ECPAS: variants seen among roughly 807,000 people sequenced by gnomAD.
The protein encoded by ECPAS is proteasome adapter and scaffold protein ECM29.
Under a neutral mutation model 255.1 loss-of-function variants are expected in ECPAS, and 70 were observed. The ratio of observed to expected loss-of-function variants is 0.27; its 90% confidence interval spans 0.23 to 0.33. The LOEUF (loss-of-function observed/expected upper bound fraction) is 0.33. ECPAS is among the 10% of genes least tolerant of loss of function. The probability of loss-of-function intolerance (pLI) is 1.00; values close to 1 mark genes in which losing one functional copy is unlikely to be tolerated. For missense variants in ECPAS, 1,817 were observed against 2,206.4 expected (o/e 0.82, Z 3.54); for synonymous variants, 784 against 775.0 (o/e 1.01, Z -0.19).
chr9:111,456,575 G>GA (rs1444103002), intron 2 of ECPAS, among the ~76,000 whole-genome samples: 5 of 152,140 alleles, frequency 3.3e-5, no homozygotes, highest in Admixed American at 3.3e-4. Context: ...TTACAAAAAT[G>GA]GAAAAACATA....
chr9:111,449,598 A>C (rs181630889), intron 3 of ECPAS, among the ~76,000 whole-genome samples: 1 of 152,342 alleles, frequency 6.6e-6, no homozygotes, highest in Admixed American at 6.5e-5. Context: ...CTATAAAAAA[A>C]TAAAATACAA....
intron 46 of ECPAS, among the ~76,000 whole-genome samples, chr9:111,367,519 T>C (rs1025751549): frequency 1.2e-4 from 19 of 152,266 alleles, no homozygotes; most frequent in African/African-American, 4.6e-4. Flanking sequence ...TCTCTACCTA[T>C]CAAGGAAAAG....
intron 35 of ECPAS, among the ~76,000 whole-genome samples, chr9:111,379,692 GCTTT>G (rs1220799652): frequency 1.3e-5 from 2 of 152,150 alleles, no homozygotes; most frequent in Non-Finnish European, 2.9e-5. Flanking sequence ...CCCTGTTGTT[GCTTT>G]ATCAACTAAG....
At position 111,408,663 on chromosome 9, in the gene ECPAS, G is replaced by C. The variant is rs775190017; in HGVS notation, c.2560C>G (p.Arg854Gly). The C allele has an allele frequency of 6.4e-6, 10 of 1,569,160 alleles. No individual in the cohort carries two copies. In the South Asian group the frequency reaches 1.2e-4, roughly 19 times the overall value. The change falls in exon 24 of 50, where the codon CGA becomes GGA. Residue 854 changes from arginine to glycine, a missense_variant. Coordinates refer to ENST00000684092, the MANE Select transcript of ECPAS (RefSeq NM_001364929.1). ...AAATATCCCAGTGTTTGGATTGCTC[G>C]TTCTTTCATCTGGAAGAACACCAAA... ...SSKETNKMKE[R>G]AIQTLGYFPV... is the part of the protein sequence containing the mutation.
chr9:111,438,782 T>TG (rs1165553666), intron 6 of ECPAS, among the ~76,000 whole-genome samples: 1 of 152,106 alleles, frequency 6.6e-6, no homozygotes, highest in African/African-American at 2.4e-5. Context: ...ACAGTGAACA[T>TG]GGAGTGACTG....
rs1434222187 is a variant in ECPAS at position 111,394,219 on chromosome 9, C to T, written c.2863G>A (p.Ala955Thr). The T allele has an allele frequency of 6.2e-7, 1 of 1,609,708 alleles. No individual in the cohort carries two copies. Among genetic ancestry groups the T allele is most frequent in the Non-Finnish European group, 8.5e-7 (1 of 1,177,814 alleles). ...IISPNPHVRQ[A>T]ACIWLLSLVR... ...AGGGAAAGGAGCCAGATGCAGGCTGCTTGCCTCACGTGTGGGTTGGGGCTG... is the reference window on the plus strand; with the variant it reads ...AGGGAAAGGAGCCAGATGCAGGCTGTTTGCCTCACGTGTGGGTTGGGGCTG... The change falls in exon 26 of 50, where the codon GCA becomes ACA. Residue 955 changes from alanine (A) to threonine (T), a missense_variant. By Grantham distance (58) the Ala-to-Thr change is moderately conservative. Coordinates refer to ENST00000684092, the MANE Select transcript of ECPAS (RefSeq NM_001364929.1).
At chr9:111,477,484 T>C (rs1182768369) in intron 1 of ECPAS, among the ~76,000 whole-genome samples, 2 of 152,088 alleles carry the variant, frequency 1.3e-5, no homozygotes, top group Non-Finnish European at 2.9e-5. Flanking sequence ...CCACATTTTA[T>C]ACACTACAGA....
intron 35 of ECPAS, 22 bp from the exon 36 acceptor site, chr9:111,378,752 C>T: frequency 6.3e-7 from 1 of 1,579,628 alleles, no homozygotes; most frequent in Non-Finnish European, 8.6e-7. Flanking sequence ...TGGAACACAA[C>T]TCCTGAGTCC....
intron 48 of ECPAS, among the ~76,000 whole-genome samples, 181 bp from the exon 49 acceptor site, chr9:111,363,840 A>G (rs2098117039): frequency 6.6e-6 from 1 of 152,116 alleles, no homozygotes. Context: ...AATGTGTGCT[A>G]ATGTCCACAG....
chr9:111,437,665 G>GA (rs1290252209), intron 6 of ECPAS, among the ~76,000 whole-genome samples: 2 of 151,896 alleles, frequency 1.3e-5, no homozygotes, highest in Non-Finnish European at 2.9e-5. Flanking sequence ...TCCCTAAAAT[G>GA]AAAAAACTCA....
At chr9:111,457,405 T>C (rs2098268244) in intron 2 of ECPAS, among the ~76,000 whole-genome samples, 1 of 152,152 alleles carries the variant, frequency 6.6e-6, no homozygotes, top group Non-Finnish European at 1.5e-5. Context: ...TATTAGACTG[T>C]GACCCTGAGA....
intron 1 of ECPAS, chr9:111,483,474 C>T: frequency 1.0e-6 from 1 of 975,824 alleles, no homozygotes; most frequent in Non-Finnish European, 1.2e-6. Context: ...CGTTCCGGCT[C>T]GCGGCCGCAG....
chr9:111,416,301 G>C lies in ECPAS; in HGVS notation c.1735C>G (p.Leu579Val). The change falls in exon 18 of 50, where the codon CTT (leucine) becomes GTT (valine). Residue 579 changes from leucine to valine, a missense_variant. Physicochemically the swap from Leu to Val is conservative, Grantham distance 32 (BLOSUM62 1). Coordinates refer to ENST00000684092, the MANE Select transcript of ECPAS (RefSeq NM_001364929.1). ...CCAAAGGCTGCTGGGTTAAATGGAA[G>C]GACAGTGGTCCCGGTCATGTACTTG... ...PVKYMTGTTV[L>V]PFNPAAFGEI... The C allele has an allele frequency of 1.2e-6, 2 of 1,613,598 alleles. No homozygotes were observed. The highest frequency in any genetic ancestry group is 1.3e-5 in the African/African-American group (1 of 75,020).
chr9:111,381,202 C>T (rs141990671), intron 35 of ECPAS, among the ~76,000 whole-genome samples: 20 of 152,274 alleles, frequency 1.3e-4, no homozygotes, highest in Admixed American at 3.9e-4. Flanking sequence ...GCAACTCTTC[C>T]CTTCATTTAG....
chr9:111,425,821 T>C lies in ECPAS; in HGVS notation c.1058A>G (p.Tyr353Cys). The C allele has an allele frequency of 6.6e-7, 1 of 1,514,786 alleles. No homozygotes were observed. The highest frequency in any genetic ancestry group is 9.1e-7 in the Non-Finnish European group (1 of 1,098,518). The allele number at this position is 1,514,786 out of a possible 1,614,324, so 93.8% of individuals were successfully genotyped here. ...TGTATTTGTACCAAAAAGTCCATCA[T>C]ACACCACCTATGTAAAATGAAGAGT... ...ETFPANIQVV[Y>C]DGLFGTNTNS... The change falls in exon 11 of 50, where the codon TAT becomes TGT. Residue 353 changes from tyrosine (Y) to cysteine (C), a missense_variant. Transcript: ENST00000684092.
chr9:111,432,397 T>C (rs186670944), intron 8 of ECPAS, among the ~76,000 whole-genome samples: 8 of 152,366 alleles, frequency 5.3e-5, no homozygotes, highest in African/African-American at 1.9e-4. Context: ...GTGGATCACC[T>C]GAGCTCAGGA....
intron 1 of ECPAS, among the ~76,000 whole-genome samples, chr9:111,478,064 C>T (rs967832705): frequency 2.0e-5 from 3 of 151,814 alleles, no homozygotes; most frequent in African/African-American, 4.8e-5. Context: ...ACACACCCAG[C>T]TAATTTTTAT....
At chr9:111,438,818 A>T (rs2098241779) in intron 6 of ECPAS, among the ~76,000 whole-genome samples, 1 of 152,220 alleles carries the variant, frequency 6.6e-6, no homozygotes, top group South Asian at 2.1e-4. Context: ...GGGCTTCCAA[A>T]CAAGAGGGGC....
rs117816660 is a variant in ECPAS, at chr9:111,458,654, G to A, written c.23-7099C>T. Among the ~76,000 whole-genome samples the A allele has an allele frequency of 4.5e-3, 689 of 151,976 alleles. 4 individuals carry two copies. Among genetic ancestry groups the A allele is most frequent in the Middle Eastern group, 0.017 (5 of 294 alleles). Reference sequence around the variant, plus strand: ...GTTGGAGAGGGAGAGGAGGGTGGGGGGGGTGTTAGAAATTGAGTCACATGG... The same window carrying A: ...GTTGGAGAGGGAGAGGAGGGTGGGGAGGGTGTTAGAAATTGAGTCACATGG... On this transcript the variant is annotated intron_variant, in intron 2 of 49. Transcript: ENST00000684092.
Sources: gnomAD v4.1 joint callset for allele counts (sites outside exome capture counted in the v4.1 genomes callset) on GRCh38, gnomAD v4.1.1 for gene constraint, MANE v1.5 for transcripts, NCBI Gene and HGNC (gene_info 2026-07-23, HGNC 2026-07-21) for gene names.